The following NR3C2 variants were observed in gnomAD, a reference collection of about 807,000 sequenced individuals.
The protein encoded by NR3C2 is mineralocorticoid receptor.
Under a neutral mutation model 86.4 loss-of-function variants are expected in NR3C2, and 15 were observed. The ratio of observed to expected loss-of-function variants is 0.17; its 90% confidence interval spans 0.12 to 0.27. The LOEUF is 0.27. Ranked by LOEUF, NR3C2 falls within the 10% of genes least tolerant of loss-of-function variation. The pLI, the probability that NR3C2 is intolerant of heterozygous loss-of-function variation, is 1.00. For missense variants in NR3C2, 960 were observed against 1,195.6 expected, an observed-to-expected ratio of 0.80 and a Z score of 2.91; for synonymous variants, 458 against 450.5, an observed-to-expected ratio of 1.02 and a Z score of -0.21.
At chr4:148,436,975 C>A in intron 1 of NR3C2, 113 bp from the exon 2 acceptor site, 1 of 839,144 alleles carries the variant, frequency 1.2e-6, no homozygotes, top group Non-Finnish European at 1.9e-6. Context: ...TTATTATGAG[C>A]AACATTTCTA....
intron 6 of NR3C2, among the ~76,000 whole-genome samples, chr4:148,129,699 G>A (rs553459630): frequency 2.6e-5 from 4 of 152,042 alleles, no homozygotes; most frequent in Non-Finnish European, 2.9e-5. Context: ...TGGTTCAAGC[G>A]ATTCTTCCAC....
upstream of NR3C2, chr4:148,444,754 G>T (rs927721372): frequency 1.0e-6 from 1 of 985,068 alleles, no homozygotes; most frequent in East Asian, 1.1e-4. Context: ...GCGCAGAGGG[G>T]GACGCGGGCA....
chr4:148,333,659 A>T (rs1209103138), intron 2 of NR3C2, among the ~76,000 whole-genome samples: 2 of 151,910 alleles, frequency 1.3e-5, no homozygotes, highest in African/African-American at 4.8e-5. Context: ...TGAGAGACAC[A>T]TTTTTTTTGT....
At chr4:148,168,944 C>T (rs931230503) in intron 4 of NR3C2, among the ~76,000 whole-genome samples, 9 of 146,512 alleles carry the variant, frequency 6.1e-5, no homozygotes, top group Non-Finnish European at 1.3e-4. Context: ...CAATAATTAC[C>T]ATGCATCACT....
At chr4:148,390,135 A>AG (rs1474636359) in intron 2 of NR3C2, among the ~76,000 whole-genome samples, 12 of 151,690 alleles carry the variant, frequency 7.9e-5, no homozygotes, top group Admixed American at 7.9e-4. Flanking sequence ...CTTAAAAAAA[A>AG]AAAACTCTGC....
intron 2 of NR3C2, among the ~76,000 whole-genome samples, chr4:148,318,399 GA>G (rs1159514861): frequency 6.6e-6 from 1 of 150,860 alleles, no homozygotes; most frequent in Non-Finnish European, 1.5e-5. Context: ...CCAGTAATGG[GA>G]TGGCTGGGTC....
At chr4:148,129,062 T>C (rs1013639863) in intron 6 of NR3C2, among the ~76,000 whole-genome samples, 5 of 152,228 alleles carry the variant, frequency 3.3e-5, no homozygotes, top group Admixed American at 1.3e-4. Context: ...AAGCAGGCCA[T>C]CGAGGGGATA....
chr4:148,405,763 A>C (rs1214198807), intron 2 of NR3C2, among the ~76,000 whole-genome samples: 1 of 152,136 alleles, frequency 6.6e-6, no homozygotes, highest in African/African-American at 2.4e-5. Flanking sequence ...GCTGTGGGGG[A>C]CTCAGAGTCT....
chr4:148,430,202 T>A (rs1450322618), intron 2 of NR3C2, among the ~76,000 whole-genome samples: 2 of 152,158 alleles, frequency 1.3e-5, no homozygotes, highest in African/African-American at 2.4e-5. Context: ...GTCACCGGTA[T>A]GAAAATTGCA....
At chr4:148,285,746 T>C (rs892717145) in intron 2 of NR3C2, among the ~76,000 whole-genome samples, 9 of 152,028 alleles carry the variant, frequency 5.9e-5, no homozygotes, top group East Asian at 1.9e-4. Flanking sequence ...ACTTCCTCCA[T>C]TGGCACACAA....
rs568671063 is a variant in NR3C2 at position 148,150,197 on chromosome 4, G to A, written c.2510+2272C>T. Among the ~76,000 whole-genome samples, 10 of 152,310 alleles carry A rather than the reference G, an allele frequency of 6.6e-5. No individual in the cohort carries two copies. The South Asian group carries it at 8.3e-4, about 13-fold the overall frequency. On this transcript the variant is annotated intron_variant, in intron 6 of 8. Coordinates refer to ENST00000358102, the MANE Select transcript of NR3C2 (RefSeq NM_000901.5). ...ATTTGCTGTAGTCATGTTCTATAAAGTCACAGCAAACACTGAATTAGCAAA... is the reference window on the plus strand; with the variant it reads ...ATTTGCTGTAGTCATGTTCTATAAAATCACAGCAAACACTGAATTAGCAAA...
chr4:148,210,192 T>C (rs1737214659), intron 3 of NR3C2, among the ~76,000 whole-genome samples: 1 of 152,122 alleles, frequency 6.6e-6, no homozygotes. Flanking sequence ...TTTTTGTTTT[T>C]GTTTTTGTTT....
intron 4 of NR3C2, among the ~76,000 whole-genome samples, chr4:148,159,475 C>G (rs148460635): frequency 6.6e-6 from 1 of 152,104 alleles, no homozygotes; most frequent in Non-Finnish European, 1.5e-5. Flanking sequence ...TTCAAAAGAG[C>G]TTTTACTTGT....
chr4:148,134,087 A>G (rs72651896), intron 6 of NR3C2, among the ~76,000 whole-genome samples: 147 of 152,308 alleles, frequency 9.7e-4, no homozygotes, highest in Non-Finnish European at 1.5e-3. Flanking sequence ...AATCATCTAA[A>G]AGCTGATACA....
rs80344524 is a variant in NR3C2 at position 148,199,603 on chromosome 4, C to T, written c.1898-4741G>A. 6.7e-3 allele frequency among the ~76,000 whole-genome samples: 1,019 copies of T among 152,096 alleles called. 11 individuals carry two copies. The highest frequency in any genetic ancestry group is 0.023 in the African/African-American group (943 of 41,476). On this transcript the variant is annotated intron_variant, in intron 3 of 8. Transcript: ENST00000358102. Reference sequence around the variant, plus strand: ...TTGAGGAAAACTGTACCCCTGCAGACGAGAGAAGGCAGAGGTAACTGATAT... The same window carrying T: ...TTGAGGAAAACTGTACCCCTGCAGATGAGAGAAGGCAGAGGTAACTGATAT...
At chr4:148,222,979 TG>T (rs1317803269) in intron 3 of NR3C2, among the ~76,000 whole-genome samples, 1 of 152,024 alleles carries the variant, frequency 6.6e-6, no homozygotes, top group Non-Finnish European at 1.5e-5. Context: ...AAGATATTAG[TG>T]GTAAAAAACC....
intron 4 of NR3C2, among the ~76,000 whole-genome samples, chr4:148,167,883 T>C (rs1242225379): frequency 6.6e-6 from 1 of 152,142 alleles, no homozygotes; most frequent in Non-Finnish European, 1.5e-5. Context: ...AGCATCACGC[T>C]GATAACAAAA....
At chr4:148,133,910 T>A (rs1021762439) in intron 6 of NR3C2, among the ~76,000 whole-genome samples, 8 of 152,236 alleles carry the variant, frequency 5.3e-5, no homozygotes, top group African/African-American at 1.9e-4. Flanking sequence ...TATGATCCCG[T>A]AAAGTAAGCA....
intron 3 of NR3C2, among the ~76,000 whole-genome samples, chr4:148,255,202 T>A (rs1329268201): frequency 6.6e-6 from 1 of 152,198 alleles, no homozygotes; most frequent in Admixed American, 6.5e-5. Context: ...CACTTTCCTC[T>A]GGAACTGTTC....
Sources: gnomAD v4.1 joint callset for allele counts (sites outside exome capture counted in the v4.1 genomes callset) on GRCh38, gnomAD v4.1.1 for gene constraint, MANE v1.5 for transcripts, NCBI Gene and HGNC (gene_info 2026-07-23, HGNC 2026-07-21) for gene names.